The following CACNA1C variants were observed in gnomAD, a reference collection of about 807,000 sequenced individuals.
CACNA1C encodes the protein calcium voltage-gated channel subunit alpha1 C.
Under a neutral mutation model 229.0 loss-of-function variants are expected in CACNA1C, and 30 were observed. That is an observed-to-expected ratio of 0.13 (90% confidence interval 0.10 to 0.18). CACNA1C has a LOEUF of 0.18. Among genes scored for constraint, CACNA1C ranks in the 10% least tolerant of loss-of-function variants. The probability of loss-of-function intolerance (pLI) is 1.00; values close to 1 mark genes in which losing one functional copy is unlikely to be tolerated. For synonymous variants in CACNA1C, 1,114 were observed against 1,132.5 expected (o/e 0.98, Z 0.33); for missense variants, 1,658 against 2,845.0 (o/e 0.58, Z 9.49).
intron 13 of CACNA1C, among the ~76,000 whole-genome samples, chr12:2,569,666 A>G (rs561608280): frequency 3.9e-5 from 6 of 152,352 alleles, no homozygotes; most frequent in African/African-American, 1.2e-4. Flanking sequence ...TTGTAGGGAT[A>G]TACTACATTT....
intron 9 of CACNA1C, among the ~76,000 whole-genome samples, chr12:2,543,544 C>T (rs2099875968): frequency 6.6e-6 from 1 of 152,198 alleles, no homozygotes; most frequent in Non-Finnish European, 1.5e-5. Flanking sequence ...CACCATTTCA[C>T]CATTTGATTC....
intron 5 of CACNA1C, among the ~76,000 whole-genome samples, chr12:2,462,671 C>A (rs2099518688): frequency 6.6e-6 from 1 of 152,210 alleles, no homozygotes; most frequent in Admixed American, 6.5e-5. Flanking sequence ...TAAGAGCCAC[C>A]CCACCCACTA....
At chr12:2,318,569 A>G (rs2095810299) in intron 3 of CACNA1C, among the ~76,000 whole-genome samples, 1 of 152,244 alleles carries the variant, frequency 6.6e-6, no homozygotes, top group African/African-American at 2.4e-5. Context: ...TCCTGCCCTC[A>G]AGGGGCGCAG....
chr12:2,503,205 G>T (rs1177567556), intron 7 of CACNA1C, among the ~76,000 whole-genome samples: 1 of 152,192 alleles, frequency 6.6e-6, no homozygotes, highest in Non-Finnish European at 1.5e-5. Flanking sequence ...GTCAGGGTGA[G>T]GTCTAGGTAT....
intron 3 of CACNA1C, among the ~76,000 whole-genome samples, chr12:2,428,399 T>G (rs2099052819): frequency 6.6e-6 from 1 of 152,216 alleles, no homozygotes; most frequent in African/African-American, 2.4e-5. Flanking sequence ...CCCTCACTCC[T>G]GGATCCAGCC....
chr12:2,312,404 T>G (rs2095485990), intron 3 of CACNA1C, among the ~76,000 whole-genome samples: 1 of 152,136 alleles, frequency 6.6e-6, no homozygotes, highest in South Asian at 2.1e-4. Flanking sequence ...CCTCTTTATA[T>G]GAAGCAAGGC....
At chr12:2,083,422 T>A (rs1192561546) in intron 1 of CACNA1C, among the ~76,000 whole-genome samples, 1 of 152,098 alleles carries the variant, frequency 6.6e-6, no homozygotes, top group Non-Finnish European at 1.5e-5. Context: ...CTCCCAGGGG[T>A]GTGCCAGAGG....
intron 3 of CACNA1C, among the ~76,000 whole-genome samples, chr12:2,276,832 G>A (rs903419173): frequency 2.0e-5 from 3 of 152,106 alleles, no homozygotes; most frequent in East Asian, 1.9e-4. Context: ...GTGGGGTAGC[G>A]GGGTAGGGTG....
At chr12:2,022,485 C>CA (rs2046635193) in intron 1 of CACNA1C, among the ~76,000 whole-genome samples, 1 of 140,986 alleles carries the variant, frequency 7.1e-6, no homozygotes, top group Non-Finnish European at 1.5e-5. Flanking sequence ...TTTTTTGAGA[C>CA]AGAGTCTCAC....
intron 1 of CACNA1C, among the ~76,000 whole-genome samples, chr12:2,084,719 C>T (rs939388230): frequency 6.6e-6 from 1 of 152,154 alleles, no homozygotes; most frequent in Non-Finnish European, 1.5e-5. Context: ...GTAAAGATTG[C>T]GTTTGCCTTT....
chr12:2,303,768 G>C (rs1471931778), intron 3 of CACNA1C, among the ~76,000 whole-genome samples: 1 of 152,216 alleles, frequency 6.6e-6, no homozygotes, highest in East Asian at 1.9e-4. Flanking sequence ...AGGCTGTGCG[G>C]AGTGGGCGCC....
chr12:2,019,342 TAG>T (rs1259561044), intron 1 of CACNA1C, among the ~76,000 whole-genome samples: 1 of 152,022 alleles, frequency 6.6e-6, no homozygotes, highest in Non-Finnish European at 1.5e-5. Flanking sequence ...CACGTGCCTG[TAG>T]TCCCAGCCAC....
In CACNA1C at chr12:2,677,045, A is replaced by C. The variant is rs761552139; in HGVS notation, c.4829-49A>C. ...AAAAAAAATGAATGAAGTTCAACTG[A>C]ATTCCCCTGCTCCCCTCTTACCCCC... is the stretch of plus-strand genomic sequence containing the variant. On this transcript the variant is annotated intron_variant, in intron 39 of 46. Transcript: ENST00000399655. The surrounding 1 kb of genome is among the most constrained non-coding windows in gnomAD (Gnocchi z 7.4). 3.9e-6 allele frequency: 6 copies of C among 1,526,228 alleles called. No homozygotes were observed. The highest frequency in any genetic ancestry group is 5.4e-6 in the Non-Finnish European group (6 of 1,110,808). 94.5% of individuals were successfully genotyped at this position (1,526,228 alleles called of 1,614,324 possible).
intron 3 of CACNA1C, among the ~76,000 whole-genome samples, chr12:2,413,167 A>T (rs2098827288): frequency 6.6e-6 from 1 of 150,534 alleles, no homozygotes; most frequent in East Asian, 2.0e-4. Context: ...ACAGGTGTGT[A>T]CCACCACGCC....
intron 27 of CACNA1C, among the ~76,000 whole-genome samples, chr12:2,609,930 C>T (rs1444088527): frequency 1.3e-5 from 2 of 152,142 alleles, no homozygotes; most frequent in Non-Finnish European, 2.9e-5. Flanking sequence ...TTGAGACCAG[C>T]CTGGCCAACA....
At chr12:2,390,510 A>G (rs1417456343) in intron 3 of CACNA1C, among the ~76,000 whole-genome samples, 1 of 152,214 alleles carries the variant, frequency 6.6e-6, no homozygotes, top group Non-Finnish European at 1.5e-5. Flanking sequence ...AGACACAAAT[A>G]AAATTTGCCA....
chr12:2,549,283 T>A (rs1033159746), intron 9 of CACNA1C, among the ~76,000 whole-genome samples: 7 of 152,142 alleles, frequency 4.6e-5, no homozygotes, highest in Non-Finnish European at 1.0e-4. Flanking sequence ...CAATTAAACA[T>A]AATTGTGTGG....
Position 2,285,032 on chromosome 12 carries a change from G to T in CACNA1C, c.478-163944G>T, listed in dbSNP as rs1360626265. Among the ~76,000 whole-genome samples, 3 of 152,170 alleles carry T rather than the reference G, an allele frequency of 2.0e-5. No homozygotes were observed. Among genetic ancestry groups the T allele is most frequent in the Non-Finnish European group, 4.4e-5 (3 of 68,016 alleles). ...GGGGTAGGGCCGTTCTGCAGATCCT[G>T]GGTTGGCTTCCAGTGGTGCCTGGCA... On this transcript the variant is annotated intron_variant, in intron 3 of 46. Transcript: ENST00000399655. This position sits in a 1 kb window ranked among gnomAD's most constrained non-coding sequence, Gnocchi z 4.2.
At position 2,285,169 on chromosome 12, in the gene CACNA1C, C is replaced by T. The variant is rs906207302; in HGVS notation, c.478-163807C>T. Among the ~76,000 whole-genome samples the T allele has an allele frequency of 2.6e-5, 4 of 152,190 alleles. No individual in the cohort carries two copies. The highest frequency in any genetic ancestry group is 1.3e-4 in the Admixed American group (2 of 15,290). ...TCTGTTTCTCTCCATTCCATCCCTG[C>T]GTGTTACCTAGCAGGAATTTCCTCT... On this transcript the variant is annotated intron_variant, in intron 3 of 46. Coordinates refer to ENST00000399655, the MANE Select transcript of CACNA1C (RefSeq NM_000719.7). This position sits in a 1 kb window ranked among gnomAD's most constrained non-coding sequence, Gnocchi z 4.2.
Sources: allele counts gnomAD v4.1 joint callset (sites outside exome capture counted in the v4.1 genomes callset), GRCh38; gene constraint gnomAD v4.1.1; non-coding constraint Gnocchi (gnomAD v3.1); transcripts MANE v1.5; gene names NCBI Gene and HGNC (gene_info 2026-07-23, HGNC 2026-07-21).